The following RBM12B variants were observed in gnomAD, a reference collection of about 807,000 sequenced individuals.
RBM12B encodes RNA-binding protein 12B.
A neutral mutation model predicts 34.3 loss-of-function variants in RBM12B; 10 were observed. That is an observed-to-expected ratio of 0.29 (90% CI 0.18 to 0.49). The LOEUF is 0.49. Among genes scored for constraint, RBM12B ranks in the 20% least tolerant of loss-of-function variants. The probability of loss-of-function intolerance (pLI) is 0.99; values close to 1 mark genes in which losing one functional copy is unlikely to be tolerated. For missense variants in RBM12B, 1,139 were observed against 1,262.7 expected, an observed-to-expected ratio of 0.90 and a Z score of 1.48; for synonymous variants, 477 against 437.1, an observed-to-expected ratio of 1.09 and a Z score of -1.14.
chr8:93,729,458 AAC>A lies in RBM12B; in HGVS notation c.*3945_*3946del, dbSNP rs1811701291. On this transcript the variant is annotated 3_prime_UTR_variant, in exon 4 of 4. Transcript: ENST00000520560. ...ATTTGGTTGTACTTCGGGGGAAAACAACAGAGTTATTATTTTGCTGCTTACTA... is the reference window on the plus strand; with the variant it reads ...ATTTGGTTGTACTTCGGGGGAAAACAAGAGTTATTATTTTGCTGCTTACTA... 6.6e-6 allele frequency: 1 copy of A among 152,224 alleles called. No homozygotes were observed. The highest frequency in any genetic ancestry group is 2.1e-4 in the South Asian group (1 of 4,834). The allele number at this position is 152,224 out of a possible 1,614,324, so 9.4% of individuals were successfully genotyped here. A position where few individuals can be genotyped will look rare whatever the true frequency, so the allele number is the denominator to read the frequency against.
At position 93,735,587 on chromosome 8, in the gene RBM12B, C is replaced by G. The variant is rs780292168; in HGVS notation, c.824G>C (p.Arg275Thr). Residue 275 changes from arginine (R) to threonine (T), a missense_variant, in exon 4 of 4, where the codon AGA (arginine) becomes ACA (threonine). Arg to Thr is a moderately conservative substitution (Grantham distance 71, BLOSUM62 -1). Around this residue, in one of 3 missense-constraint regions of RBM12B, gnomAD observed 863 missense variants for 869.5 expected, o/e 0.99. Coordinates refer to ENST00000520560, the MANE Select transcript of RBM12B (RefSeq NM_001377960.1). ...TCCAAGAGGGGAACGAGAACGTGTTCTTCTGGGAGATTTTGAATGAGACCG... is the reference window on the plus strand; with the variant it reads ...TCCAAGAGGGGAACGAGAACGTGTTGTTCTGGGAGATTTTGAATGAGACCG... ...RKRSHSKSPR[R>T]TRSRSPLGFY... is the part of the protein sequence containing the mutation. 8.7e-6 allele frequency: 14 copies of G among 1,613,942 alleles called. No homozygotes were observed. The highest frequency in any genetic ancestry group is 1.1e-5 in the South Asian group (1 of 91,078).
chr8:93,735,683 T>C lies in RBM12B; in HGVS notation c.728A>G (p.Glu243Gly). The C allele has an allele frequency of 6.2e-7, 1 of 1,614,174 alleles. No homozygotes were observed. The highest frequency in any genetic ancestry group is 1.1e-5 in the South Asian group (1 of 91,074). The change falls in exon 4 of 4, where the codon GAG (glutamate) becomes GGG (glycine). Residue 243 changes from glutamate to glycine, a missense_variant. Glu to Gly is a moderately conservative substitution (Grantham distance 98). This residue lies in a region of RBM12B where 863 missense variants were observed against 869.5 expected (regional missense o/e 0.99). Transcript: ENST00000520560. ...TTCAGATCTCCTAAGAACGTCACCC[T>C]CCTTAACTGCATTACCACCAAACTC... ...WIEFGGNAVK[E>G]GDVLRRSEEH...
rs753461362 is a variant in RBM12B at position 93,734,620 on chromosome 8, G to A, written c.1791C>T (p.Arg597=). The change falls in exon 4 of 4, where the codon CGC becomes CGT. Residue 597 remains arginine, a synonymous_variant. Transcript: ENST00000520560. Reference sequence around the variant, plus strand: ...GGCGCCTGAAATCTTCCTCCCAAGGGCGCCTGAAGTCCTCCTCAGAAGGCC... The same window carrying A: ...GGCGCCTGAAATCTTCCTCCCAAGGACGCCTGAAGTCCTCCTCAGAAGGCC... The part of the protein sequence containing the change: ...FRRPSEEDFR[R]PWEEDFRRPP... 1.2e-6 allele frequency: 2 copies of A among 1,606,034 alleles called. No individual in the cohort carries two copies.
rs941953645 is a variant in RBM12B at position 93,731,747 on chromosome 8, C to G, written c.*1658G>C. 1 of 152,492 alleles carries G rather than the reference C, an allele frequency of 6.6e-6. No individual in the cohort carries two copies. The highest frequency in any genetic ancestry group is 1.5e-5 in the Non-Finnish European group (1 of 68,008). 9.4% of individuals were successfully genotyped at this position (152,492 alleles called of 1,614,324 possible). ...AATGGGGAAAATCTGGATTACAGAA[C>G]TGAGGAAAATTATGTTTTATGTAAA... On this transcript the variant is annotated 3_prime_UTR_variant, in exon 4 of 4. Transcript: ENST00000520560.
Position 93,731,935 on chromosome 8 carries a change from A to G in RBM12B, c.*1470T>C, listed in dbSNP as rs1811807015. ...TGTTAATGTTTGAGCTCAGTGTTTG[A>G]GCATGCTGGTTTTACCTATTTATGC... On this transcript the variant is annotated 3_prime_UTR_variant, in exon 4 of 4. Coordinates refer to ENST00000520560, the MANE Select transcript of RBM12B (RefSeq NM_001377960.1). 1 of 152,454 alleles carries G rather than the reference A, an allele frequency of 6.6e-6. No homozygotes were observed. The highest frequency in any genetic ancestry group is 1.5e-5 in the Non-Finnish European group (1 of 67,998). The allele number at this position is 152,454 out of a possible 1,614,324, so 9.4% of individuals were successfully genotyped here.
At position 93,735,367 on chromosome 8, in the gene RBM12B, T is replaced by C. The variant is rs1187141544; in HGVS notation, c.1044A>G (p.Leu348=). The change falls in exon 4 of 4, where the codon TTA becomes TTG. Residue 348 remains leucine (L), a synonymous_variant. Transcript: ENST00000520560. Reference sequence around the variant, plus strand: ...GATCAATATGAACTGGACGATATTGTAAAACAGTCTTATGTAAACTCAGAG... The same window carrying C: ...GATCAATATGAACTGGACGATATTGCAAAACAGTCTTATGTAAACTCAGAG... ...NTALSLHKTV[L]QYRPVHIDPI... 1.2e-6 allele frequency: 2 copies of C among 1,613,894 alleles called. No individual in the cohort carries two copies. Among genetic ancestry groups the C allele is most frequent in the Non-Finnish European group, 1.7e-6 (2 of 1,179,926 alleles).
rs1168613799 is a variant in RBM12B, at chr8:93,734,370, C to T, written c.2041G>A (p.Glu681Lys). The T allele has an allele frequency of 6.2e-6, 10 of 1,613,184 alleles. No individual in the cohort carries two copies. Among genetic ancestry groups the T allele is most frequent in the Non-Finnish European group, 8.5e-6 (10 of 1,179,778 alleles). Residue 681 changes from glutamate to lysine, a missense_variant, in exon 4 of 4, where the codon GAG becomes AAG. By Grantham distance (56) the Glu-to-Lys change is moderately conservative. Transcript: ENST00000520560. Reference sequence around the variant, plus strand: ...CCCTGAAGAGGCCGCCTAAAGTCCTCCTCTGGGGGCCGTCTCCAGTCCTCC... The same window carrying T: ...CCCTGAAGAGGCCGCCTAAAGTCCTTCTCTGGGGGCCGTCTCCAGTCCTCC... ...PEEDWRRPPE[E>K]DFRRPLQGEW...
At chr8:93,738,524 C>T (rs960025188) in intron 2 of RBM12B, among the ~76,000 whole-genome samples, 6 of 152,168 alleles carry the variant, frequency 3.9e-5, no homozygotes, top group East Asian at 3.9e-4. Flanking sequence ...TGCACTGGTG[C>T]GATCTTGGCT....
Position 93,734,206 on chromosome 8 carries a change from GGGTGGCCGACGGAAATGCTCCTGA to G in RBM12B, c.2181_2204del (p.Gln728_Pro735del), listed in dbSNP as rs770449858. On this transcript the variant is annotated inframe_deletion, in exon 4 of 4. Coordinates refer to ENST00000520560, the MANE Select transcript of RBM12B (RefSeq NM_001377960.1). The stretch of plus-strand genomic sequence containing the variant: ...GAGGTGGTCTCCGGAAATGCTCTGG[GGGTGGCCGACGGAAATGCTCCTGA>G]GGTGGCCTCCGGAAATGCTCCTGGG... 1.8e-5 allele frequency: 28 copies of G among 1,592,002 alleles called. No individual in the cohort carries two copies. Among genetic ancestry groups the G allele is most frequent in the African/African-American group, 1.1e-4 (8 of 74,040 alleles).
At position 93,734,629 on chromosome 8, in the gene RBM12B, GTCC is replaced by G. The variant is rs1319174760; in HGVS notation, c.1779_1781del (p.Glu593del). ...AATCTTCCTCCCAAGGGCGCCTGAAGTCCTCCTCAGAAGGCCGCCTGAAGTCTT... is the reference window on the plus strand; with the variant it reads ...AATCTTCCTCCCAAGGGCGCCTGAAGTCCTCAGAAGGCCGCCTGAAGTCTT... On this transcript the variant is annotated inframe_deletion, in exon 4 of 4. Coordinates refer to ENST00000520560, the MANE Select transcript of RBM12B (RefSeq NM_001377960.1). 1.4e-5 allele frequency: 22 copies of G among 1,611,786 alleles called. No homozygotes were observed. The highest frequency in any genetic ancestry group is 1.6e-5 in the Non-Finnish European group (19 of 1,179,320).
In RBM12B at chr8:93,736,366, C is replaced by A. The variant is rs1483974177; in HGVS notation, c.45G>T (p.Gly15=). The A allele has an allele frequency of 1.2e-6, 2 of 1,607,974 alleles. No individual in the cohort carries two copies. Among genetic ancestry groups the A allele is most frequent in the Non-Finnish European group, 1.7e-6 (2 of 1,178,190 alleles). ...TGAAGAAGTGACGAATATCCACAGG[C>A]CCCGCAATAAAAGGAAGCCCCAGTA... The part of the protein sequence containing the change: ...IRLLGLPFIA[G]PVDIRHFFTG... The change falls in exon 4 of 4, where the codon GGG becomes GGT. Residue 15 remains glycine (G), a synonymous_variant. Coordinates refer to ENST00000520560, the MANE Select transcript of RBM12B (RefSeq NM_001377960.1).
chr8:93,738,131 A>C (rs1233755589), intron 2 of RBM12B, among the ~76,000 whole-genome samples: 1 of 152,210 alleles, frequency 6.6e-6, no homozygotes, highest in Non-Finnish European at 1.5e-5. Context: ...AAATACTACA[A>C]TATCCCTAAA....
chr8:93,734,239 C>G lies in RBM12B; in HGVS notation c.2172G>C (p.Arg724=). The G allele has an allele frequency of 6.2e-7, 1 of 1,607,468 alleles. No individual in the cohort carries two copies. Among genetic ancestry groups the G allele is most frequent in the Non-Finnish European group, 8.5e-7 (1 of 1,176,124 alleles). The stretch of plus-strand genomic sequence containing the variant: ...GACGGAAATGCTCCTGAGGTGGCCT[C>G]CGGAAATGCTCCTGGGGTGACTGCC... The part of the protein sequence containing the change: ...DFRQSPQEHF[R]RPPQEHFRRP... Residue 724 remains arginine, a synonymous_variant, in exon 4 of 4, where the codon CGG becomes CGC. Transcript: ENST00000520560.
chr8:93,739,386 T>C (rs1387813000), intron 2 of RBM12B, among the ~76,000 whole-genome samples: 3 of 152,184 alleles, frequency 2.0e-5, no homozygotes, highest in Non-Finnish European at 4.4e-5. Context: ...TCTCATGAAT[T>C]CCAATTCAAG....
At chr8:93,740,195 G>C (rs1812153211) in intron 2 of RBM12B, 2 of 411,898 alleles carry the variant, frequency 4.9e-6, no homozygotes, top group Non-Finnish European at 9.7e-6. Flanking sequence ...AAAAACCAAA[G>C]GAATGACCAA....
rs1172164694 is a variant in RBM12B, at chr8:93,734,734, T to C, written c.1677A>G (p.Arg559=). ...GGAACCTAAAGTCCTCTGAGGAGTG[T>C]CGGAAGTCTTCTGGAGGGTGCCTGT... The part of the protein sequence containing the change: ...QPDRHPPEDF[R]HSSEDFRFPP... Residue 559 remains arginine, a synonymous_variant, in exon 4 of 4, where the codon CGA becomes CGG. Transcript: ENST00000520560. The C allele has an allele frequency of 6.2e-7, 1 of 1,613,902 alleles. No individual in the cohort carries two copies. Among genetic ancestry groups the C allele is most frequent in the South Asian group, 1.1e-5 (1 of 91,088 alleles).
rs1811845984 is a variant in RBM12B, at chr8:93,733,067, T to C, written c.*338A>G. 1 of 163,094 alleles carries C rather than the reference T, an allele frequency of 6.1e-6. No homozygotes were observed. Among genetic ancestry groups the C allele is most frequent in the South Asian group, 2.0e-4 (1 of 5,030 alleles). 10.1% of individuals were successfully genotyped at this position (163,094 alleles called of 1,614,324 possible). A position where few individuals can be genotyped will look rare whatever the true frequency, so the allele number is the denominator to read the frequency against. ...CTACAGAAAGAAAAAAAAAAGTGAA[T>C]ATAAAATGTATCTTCCCCAAATACA... On this transcript the variant is annotated 3_prime_UTR_variant, in exon 4 of 4. Coordinates refer to ENST00000520560, the MANE Select transcript of RBM12B (RefSeq NM_001377960.1).
rs1342483282 is a variant in RBM12B at position 93,728,358 on chromosome 8, CT to C, written c.*5046del. ...AATCCACAATGACTAAATTGTAGAA[CT>C]TTATACTCACTTTGCTATGTTAAGC... On this transcript the variant is annotated 3_prime_UTR_variant, in exon 4 of 4. Coordinates refer to ENST00000520560, the MANE Select transcript of RBM12B (RefSeq NM_001377960.1). The C allele has an allele frequency of 1.9e-6, 2 of 1,075,060 alleles. No individual in the cohort carries two copies. The highest frequency in any genetic ancestry group is 1.6e-5 in the African/African-American group (1 of 61,166). The allele number at this position is 1,075,060 out of a possible 1,614,324, so 66.6% of individuals were successfully genotyped here.
rs569301853 is a variant in RBM12B at position 93,728,300 on chromosome 8, T to G, written c.*5105A>C. The G allele has an allele frequency of 1.9e-5, 29 of 1,538,000 alleles. No homozygotes were observed. The South Asian group carries it at 3.3e-4, about 17-fold the overall frequency. ...AAGAAGAAAATTTTCTTAAGTAAAC[T>G]ACACATTTCCATTTTCATCATAAAT... On this transcript the variant is annotated 3_prime_UTR_variant, in exon 4 of 4. Transcript: ENST00000520560.
Sources: allele counts gnomAD v4.1 joint callset (sites outside exome capture counted in the v4.1 genomes callset), GRCh38; gene constraint gnomAD v4.1.1; regional missense constraint gnomAD v4.1.1; transcripts MANE v1.5; gene names NCBI Gene and HGNC (gene_info 2026-07-23, HGNC 2026-07-21).